The following FBXO41 variants were observed in gnomAD, a reference collection of about 807,000 sequenced individuals.
The protein encoded by FBXO41 is F-box protein 41, also known as F-box only protein 41.
FBXO41 carries 33 observed loss-of-function variants against 81.6 expected under a neutral mutation model. The ratio of observed to expected loss-of-function variants is 0.40; its 90% confidence interval spans 0.31 to 0.54. The LOEUF (loss-of-function observed/expected upper bound fraction) is 0.54, where lower values mean the gene tolerates loss of function less well. Ranked by LOEUF, FBXO41 falls within the 20% of genes least tolerant of loss-of-function variation. FBXO41 has a pLI of 0.39. For synonymous variants in FBXO41, 576 were observed against 552.7 expected (o/e 1.04, Z -0.59); for missense variants, 1,107 against 1,236.0 (o/e 0.90, Z 1.56).
chr2:73,263,325 C>G lies in FBXO41; in HGVS notation c.2076-17G>C. ...GTGGCACTCCTGTGAAAAGACAAAG[C>G]TGCTAGTCAGGCAGCAGGGTGGCTT... On this transcript the variant is annotated splice_polypyrimidine_tract_variant and intron_variant, in intron 8 of 12. Coordinates refer to ENST00000520530, the MANE Select transcript of FBXO41 (RefSeq NM_001371389.2). The G allele has an allele frequency of 6.7e-7, 1 of 1,496,828 alleles. No homozygotes were observed. The highest frequency in any genetic ancestry group is 1.4e-5 in the African/African-American group (1 of 71,274). The allele number at this position is 1,496,828 out of a possible 1,614,324, so 92.7% of individuals were successfully genotyped here.
In FBXO41 at chr2:73,259,940, C is replaced by G. The variant is rs1195255106; in HGVS notation, c.2449+449G>C. The stretch of plus-strand genomic sequence containing the variant: ...TGGTGGTCTCCTTGGGCAGGAGCAG[C>G]CCACACTGGGTGCCAGGTCCTCAGT... On this transcript the variant is annotated intron_variant, in intron 11 of 12. Coordinates refer to ENST00000520530, the MANE Select transcript of FBXO41 (RefSeq NM_001371389.2). This position sits in a 1 kb window ranked among gnomAD's most constrained non-coding sequence, Gnocchi z 4.2. Among the ~76,000 whole-genome samples the G allele has an allele frequency of 6.6e-6, 1 of 152,064 alleles. No homozygotes were observed. Among genetic ancestry groups the G allele is most frequent in the East Asian group, 1.9e-4 (1 of 5,190 alleles).
At position 73,266,060 on chromosome 2, in the gene FBXO41, G is replaced by C; in HGVS notation, c.1132-94C>G. ...GGGGAAACAGGGCAAAAGATGGAGA[G>C]GAGATGGGGGAGAGGAGAGAGAAGG... On this transcript the variant is annotated intron_variant, in intron 3 of 12. Coordinates refer to ENST00000520530, the MANE Select transcript of FBXO41 (RefSeq NM_001371389.2). This position sits in a 1 kb window ranked among gnomAD's most constrained non-coding sequence, Gnocchi z 5.3. 9.4e-7 allele frequency: 1 copy of C among 1,067,992 alleles called. No individual in the cohort carries two copies. The highest frequency in any genetic ancestry group is 1.4e-6 in the Non-Finnish European group (1 of 716,482). 66.2% of individuals were successfully genotyped at this position (1,067,992 alleles called of 1,614,324 possible). A position where few individuals can be genotyped will look rare whatever the true frequency, so the allele number is the denominator to read the frequency against.
intron 1 of FBXO41, among the ~76,000 whole-genome samples, chr2:73,280,450 G>C (rs968799409): frequency 6.6e-6 from 1 of 152,192 alleles, no homozygotes; most frequent in Non-Finnish European, 1.5e-5. Context: ...ACCCAGGCTT[G>C]CCCACCCTCA....
chr2:73,261,672 G>A (rs1688026542), intron 9 of FBXO41, among the ~76,000 whole-genome samples: 1 of 152,154 alleles, frequency 6.6e-6, no homozygotes, highest in Non-Finnish European at 1.5e-5. Context: ...CCGCCAAATA[G>A]CTTCCAATAC....
intron 1 of FBXO41, among the ~76,000 whole-genome samples, chr2:73,273,874 C>T (rs1283193014): frequency 2.0e-5 from 3 of 152,222 alleles, no homozygotes; most frequent in Non-Finnish European, 4.4e-5. Flanking sequence ...CAGACTTCTC[C>T]TCACCTACTA....
intron 1 of FBXO41, chr2:73,271,109 T>A (rs1688476847): frequency 5.5e-6 from 2 of 362,308 alleles, no homozygotes; most frequent in Non-Finnish European, 1.1e-5. Context: ...AGGAAGGCAG[T>A]CAGCTTCCCT....
At chr2:73,267,590 T>C (rs1407654569) in intron 2 of FBXO41, among the ~76,000 whole-genome samples, 1 of 152,268 alleles carries the variant, frequency 6.6e-6, no homozygotes, top group Admixed American at 6.5e-5. Context: ...TTATGGAGTT[T>C]ATATGACAAT....
chr2:73,259,209 A>G lies in FBXO41; in HGVS notation c.2537T>C (p.Leu846Pro). 1 of 1,614,020 alleles carries G rather than the reference A, an allele frequency of 6.2e-7. No homozygotes were observed. The highest frequency in any genetic ancestry group is 8.5e-7 in the Non-Finnish European group (1 of 1,179,890). ...GAGTTTTGTCACCATGTCCTCAAAC[A>G]GCTTCTGGGCCTCAGGGCTGCTGGG... ...KEPSSPEAQK[L>P]FEDMVTKLQA... The change falls in exon 12 of 13, where the codon CTG (leucine) becomes CCG (proline). Residue 846 changes from leucine to proline, a missense_variant. By Grantham distance (98) the Leu-to-Pro change is moderately conservative. Coordinates refer to ENST00000520530, the MANE Select transcript of FBXO41 (RefSeq NM_001371389.2). The surrounding 1 kb of genome is among the most constrained non-coding windows in gnomAD (Gnocchi z 4.2).
rs1465924990 is a variant in FBXO41, at chr2:73,268,883, T to TCTCCAGTTCGGCCGCCTTGCG, written c.727_747dup (p.Arg243_Glu249dup). The TCTCCAGTTCGGCCGCCTTGCG allele has an allele frequency of 6.4e-7, 1 of 1,558,130 alleles. No individual in the cohort carries two copies. The highest frequency in any genetic ancestry group is 1.4e-5 in the African/African-American group (1 of 73,354). On this transcript the variant is annotated inframe_insertion, in exon 2 of 13. Transcript: ENST00000520530. ...AGCCTCGCACTCTCCTGCCGCGCAG[T>TCTCCAGTTCGGCCGCCTTGCG]CTCCAGTTCGGCCGCCTTGCGCTCC...
At position 73,266,732 on chromosome 2, in the gene FBXO41, C is replaced by A; in HGVS notation, c.906-50G>T. 3 of 1,490,712 alleles carry A rather than the reference C, an allele frequency of 2.0e-6. No homozygotes were observed. Among genetic ancestry groups the A allele is most frequent in the Non-Finnish European group, 2.7e-6 (3 of 1,121,732 alleles). 92.3% of individuals were successfully genotyped at this position (1,490,712 alleles called of 1,614,324 possible). On this transcript the variant is annotated intron_variant, in intron 2 of 12. Coordinates refer to ENST00000520530, the MANE Select transcript of FBXO41 (RefSeq NM_001371389.2). The surrounding 1 kb of genome is among the most constrained non-coding windows in gnomAD (Gnocchi z 5.3). ...CCAGAGCCTCAGCCTGCCTGCCCAC[C>A]CACCCTCTGGAGGAGAGCCTGGCCA...
intron 1 of FBXO41, among the ~76,000 whole-genome samples, chr2:73,279,812 G>C (rs1165323054): frequency 2.0e-5 from 3 of 152,168 alleles, no homozygotes; most frequent in Non-Finnish European, 4.4e-5. Context: ...ATATTTAAAT[G>C]CTTCTTAAGG....
intron 1 of FBXO41, among the ~76,000 whole-genome samples, chr2:73,274,094 T>C (rs1688618198): frequency 6.6e-6 from 1 of 152,212 alleles, no homozygotes; most frequent in Non-Finnish European, 1.5e-5. Context: ...CGCAGCTCCA[T>C]TCCATCTGTA....
intron 8 of FBXO41, 141 bp downstream of exon 8, chr2:73,263,537 G>A (rs1688098919): frequency 2.7e-6 from 3 of 1,119,826 alleles, no homozygotes; most frequent in Non-Finnish European, 2.5e-6. Flanking sequence ...CTCTGCTCTT[G>A]CCAAGGCTTC....
chr2:73,255,663 A>G lies in FBXO41; in HGVS notation c.*3319T>C, dbSNP rs1235873189. The G allele has an allele frequency of 1.3e-5, 2 of 152,786 alleles. No homozygotes were observed. The highest frequency in any genetic ancestry group is 6.5e-5 in the Admixed American group (1 of 15,302). 9.5% of individuals were successfully genotyped at this position (152,786 alleles called of 1,614,324 possible). A position where few individuals can be genotyped will look rare whatever the true frequency, so the allele number is the denominator to read the frequency against. On this transcript the variant is annotated 3_prime_UTR_variant, in exon 13 of 13. Transcript: ENST00000520530. Reference sequence around the variant, plus strand: ...AGTCACTCTGGGAAGGCCTCCTTCAACTTAGCGCCTTAGAGGGATTGGGGC... The same window carrying G: ...AGTCACTCTGGGAAGGCCTCCTTCAGCTTAGCGCCTTAGAGGGATTGGGGC...
rs554756290 is a variant in FBXO41, at chr2:73,255,806, CT to C, written c.*3175del. On this transcript the variant is annotated 3_prime_UTR_variant, in exon 13 of 13. Coordinates refer to ENST00000520530, the MANE Select transcript of FBXO41 (RefSeq NM_001371389.2). ...GAGTAGCAGGCCTTGGGAAGGAGGA[CT>C]TTTTTTTGTTTTTCTCTTTTGAGGC... is the stretch of plus-strand genomic sequence containing the variant. 1.3e-5 allele frequency: 2 copies of C among 152,362 alleles called. No individual in the cohort carries two copies. The highest frequency in any genetic ancestry group is 1.9e-4 in the East Asian group (1 of 5,182). 9.4% of individuals were successfully genotyped at this position (152,362 alleles called of 1,614,324 possible).
intron 1 of FBXO41, among the ~76,000 whole-genome samples, chr2:73,280,878 C>T (rs760356475): frequency 2.6e-5 from 4 of 152,224 alleles, no homozygotes; most frequent in Non-Finnish European, 4.4e-5. Flanking sequence ...TTAGAGGAAT[C>T]ACACTGAATA....
intron 1 of FBXO41, among the ~76,000 whole-genome samples, chr2:73,270,240 A>G (rs527278245): frequency 6.6e-6 from 1 of 152,338 alleles, no homozygotes; most frequent in East Asian, 1.9e-4. Flanking sequence ...TGAAGTCAGC[A>G]TAGAGGTCCC....
At position 73,264,030 on chromosome 2, in the gene FBXO41, C is replaced by A. The variant is rs749679446; in HGVS notation, c.1830G>T (p.Trp610Cys). 3.6e-5 allele frequency: 57 copies of A among 1,598,616 alleles called. No homozygotes were observed. Among genetic ancestry groups the A allele is most frequent in the Non-Finnish European group, 4.9e-5 (57 of 1,172,446 alleles). ...CSKFLAMLAQWCTQAHSLTLQ... is the reference protein window; with the variant it reads ...CSKFLAMLAQCCTQAHSLTLQ... ...GCGTCAGAGAGTGGGCCTGGGTGCA[C>A]CACTGAGCCAGCATTGCCAGGAACT... The change falls in exon 7 of 13, where the codon TGG becomes TGT. Residue 610 changes from tryptophan (W) to cysteine (C), a missense_variant. By Grantham distance (215) the Trp-to-Cys change is radical. Transcript: ENST00000520530.
At chr2:73,261,449 A>G (rs1688019370) in intron 9 of FBXO41, among the ~76,000 whole-genome samples, 1 of 152,166 alleles carries the variant, frequency 6.6e-6, no homozygotes, top group African/African-American at 2.4e-5. Context: ...CACTGCAGAT[A>G]GGGAGCCCCT....
Sources: allele counts gnomAD v4.1 joint callset (sites outside exome capture counted in the v4.1 genomes callset), GRCh38; gene constraint gnomAD v4.1.1; non-coding constraint Gnocchi (gnomAD v3.1); transcripts MANE v1.5; gene names NCBI Gene and HGNC (gene_info 2026-07-23, HGNC 2026-07-21).